The following ASB4 variants were observed in gnomAD, a reference collection of about 807,000 sequenced individuals.
The protein encoded by ASB4 is ankyrin repeat and SOCS box protein 4.
In ASB4, 35 loss-of-function variants were observed where a neutral mutation model predicts 38.6. The ratio of observed to expected loss-of-function variants is 0.91; its 90% confidence interval spans 0.69 to 1.20. ASB4 has a LOEUF of 1.20. Among genes scored for constraint, ASB4 ranks in the 50% most tolerant of loss-of-function variants. The pLI, the probability that ASB4 is intolerant of heterozygous loss-of-function variation, is 0.00. For synonymous variants in ASB4, 195 were observed against 201.3 expected, an observed-to-expected ratio of 0.97 and a Z score of 0.26; for missense variants, 557 against 527.2, an observed-to-expected ratio of 1.06 and a Z score of -0.55.
chr7:95,482,993 A>G (rs557070820), upstream of ASB4, among the ~76,000 whole-genome samples: 4 of 152,200 alleles, frequency 2.6e-5, no homozygotes, highest in Non-Finnish European at 5.9e-5. Flanking sequence ...GTTCATGTCT[A>G]TTCTGGCCCT....
intron 3 of ASB4, chr7:95,528,543 GC>G: frequency 1.4e-6 from 2 of 1,425,784 alleles, no homozygotes; most frequent in Non-Finnish European, 1.8e-6. Context: ...AATTTGTTTT[GC>G]CTTGTGTGAA....
intron 1 of ASB4, among the ~76,000 whole-genome samples, chr7:95,480,450 G>GGATA (rs1790013091): frequency 6.6e-6 from 1 of 152,192 alleles, no homozygotes; most frequent in Admixed American, 6.5e-5. Context: ...GTGCTAGTCA[G>GGATA]TGTGACCATA....
At chr7:95,483,289 A>G (rs183732290), upstream of ASB4, among the ~76,000 whole-genome samples, 3 of 152,332 alleles carry the variant, frequency 2.0e-5, no homozygotes, top group Admixed American at 2.0e-4. Flanking sequence ...TGGTCTGGCC[A>G]TACTGGTAAT....
chr7:95,493,590 A>T (rs1369226036), intron 1 of ASB4, among the ~76,000 whole-genome samples: 1 of 152,158 alleles, frequency 6.6e-6, no homozygotes, highest in African/African-American at 2.4e-5. Context: ...GTTAAAAAGC[A>T]ATACATGCAC....
chr7:95,522,704 G>C (rs1790680588), intron 2 of ASB4, among the ~76,000 whole-genome samples: 1 of 152,166 alleles, frequency 6.6e-6, no homozygotes, highest in African/African-American at 2.4e-5. Flanking sequence ...ATCAGGACAG[G>C]AAGGGGTCTC....
At chr7:95,512,425 T>A (rs1016155724) in intron 2 of ASB4, among the ~76,000 whole-genome samples, 12 of 152,184 alleles carry the variant, frequency 7.9e-5, no homozygotes, top group Admixed American at 1.3e-4. Flanking sequence ...AGTATCTTTA[T>A]GTTGTCTAGA....
chr7:95,523,081 T>C (rs1020860136), intron 2 of ASB4, among the ~76,000 whole-genome samples: 2 of 152,230 alleles, frequency 1.3e-5, no homozygotes, highest in African/African-American at 4.8e-5. Flanking sequence ...GACTCCATAC[T>C]GTAAGAATGT....
rs1790939443 is a variant in ASB4 at position 95,539,334 on chromosome 7, G to A, written c.*1575G>A. 1 of 152,144 alleles carries A rather than the reference G, an allele frequency of 6.6e-6. No homozygotes were observed. Among genetic ancestry groups the A allele is most frequent in the South Asian group, 2.1e-4 (1 of 4,824 alleles). 9.4% of individuals were successfully genotyped at this position (152,144 alleles called of 1,614,324 possible). A position where few individuals can be genotyped will look rare whatever the true frequency, so the allele number is the denominator to read the frequency against. ...TCAGTTGAGACTGTGCTTCTGAACT[G>A]GGATTGTCTTACTCCCAGGGCTGTG... On this transcript the variant is annotated 3_prime_UTR_variant, in exon 5 of 5. Transcript: ENST00000325885.
rs1478340224 is a variant in ASB4 at position 95,486,154 on chromosome 7, A to G, written c.183A>G (p.Lys61=). The stretch of plus-strand genomic sequence containing the variant: ...AGAATATGGTTTTGGCATCTTATAA[A>G]CAAGGTAAAAACATATAGGTGTTAT... The part of the protein sequence containing the change: ...EDENMVLASY[K]QGYWLPSYKL... The change falls in exon 1 of 5, where the codon AAA becomes AAG. Residue 61 remains lysine, a synonymous_variant. Transcript: ENST00000325885. 6.2e-7 allele frequency: 1 copy of G among 1,612,928 alleles called. No individual in the cohort carries two copies. The highest frequency in any genetic ancestry group is 2.2e-5 in the East Asian group (1 of 44,900).
chr7:95,533,382 T>C (rs540860541), intron 3 of ASB4, among the ~76,000 whole-genome samples: 2 of 152,204 alleles, frequency 1.3e-5, no homozygotes, highest in African/African-American at 4.8e-5. Context: ...ACACTCTTCG[T>C]GCTGTGACAC....
intron 2 of ASB4, among the ~76,000 whole-genome samples, chr7:95,498,906 T>A (rs1045108179): frequency 7.2e-5 from 11 of 152,210 alleles, no homozygotes; most frequent in Admixed American, 7.2e-4. Context: ...AAGAATATTC[T>A]TTCACCATCA....
chr7:95,480,386 T>C (rs948872293), intron 1 of ASB4, among the ~76,000 whole-genome samples: 3 of 152,184 alleles, frequency 2.0e-5, no homozygotes, highest in Non-Finnish European at 4.4e-5. Flanking sequence ...ACCCCATTGA[T>C]TCTCACTTCC....
chr7:95,478,563 A>T (rs1348383609), exon 1 of ASB4: 1 of 152,194 alleles, frequency 6.6e-6, no homozygotes, highest in East Asian at 1.9e-4. Flanking sequence ...ACAATCTAGC[A>T]TCGTGCCAGC....
intron 1 of ASB4, among the ~76,000 whole-genome samples, chr7:95,494,374 A>C (rs981890488): frequency 4.6e-5 from 7 of 152,198 alleles, no homozygotes; most frequent in Non-Finnish European, 1.0e-4. Flanking sequence ...ATGTAGTTTC[A>C]GATTGTATTA....
At chr7:95,479,067 C>G (rs909038768) in intron 1 of ASB4, among the ~76,000 whole-genome samples, 3 of 152,106 alleles carry the variant, frequency 2.0e-5, no homozygotes, top group African/African-American at 4.8e-5. Flanking sequence ...TTGCCAATGT[C>G]CAGGACACTG....
chr7:95,550,619 A>C, the ASB4 span, among the ~76,000 whole-genome samples: 1 of 152,148 alleles, frequency 6.6e-6, no homozygotes, highest in Non-Finnish European at 1.5e-5. Context: ...TCCAAACCCA[A>C]ATGCAAATAT....
At chr7:95,511,461 T>C (rs1790479718) in intron 2 of ASB4, among the ~76,000 whole-genome samples, 2 of 151,928 alleles carry the variant, frequency 1.3e-5, no homozygotes, top group African/African-American at 4.8e-5. Flanking sequence ...GCAAGCATAG[T>C]TGAATTAACC....
At chr7:95,484,330 C>CA (rs549687405), upstream of ASB4, among the ~76,000 whole-genome samples, 1,422 of 149,368 alleles carry the variant, frequency 9.5e-3, 25 homozygotes, top group African/African-American at 0.034. Flanking sequence ...GATCCTGTCT[C>CA]AAAAAAAAAT....
At chr7:95,522,095 AATAATAGATATT>A (rs1206708939) in intron 2 of ASB4, among the ~76,000 whole-genome samples, 3 of 152,168 alleles carry the variant, frequency 2.0e-5, no homozygotes, top group Admixed American at 2.0e-4. Context: ...GTGCTGATGT[AATAATAGATATT>A]TAGATGCAGT....
Sources: allele counts gnomAD v4.1 joint callset (sites outside exome capture counted in the v4.1 genomes callset), GRCh38; gene constraint gnomAD v4.1.1; transcripts MANE v1.5; gene names NCBI Gene and HGNC (gene_info 2026-07-23, HGNC 2026-07-21).